COL28A1: variants seen among roughly 807,000 people sequenced by gnomAD.
The protein encoded by COL28A1 is collagen type XXVIII alpha 1 chain.
A neutral mutation model predicts 150.2 loss-of-function variants in COL28A1; 161 were observed. That is an observed-to-expected ratio of 1.07 (90% CI 0.94 to 1.22). The LOEUF is 1.22. Among genes scored for constraint, COL28A1 ranks in the 50% most tolerant of loss-of-function variants. The pLI is 0.00. For synonymous variants in COL28A1, 552 were observed against 469.7 expected, an observed-to-expected ratio of 1.18 and a Z score of -2.26; for missense variants, 1,617 against 1,388.3, an observed-to-expected ratio of 1.16 and a Z score of -2.62.
intron 15 of COL28A1, among the ~76,000 whole-genome samples, chr7:7,461,460 T>G (rs1317439647): frequency 2.0e-5 from 3 of 152,140 alleles, no homozygotes; most frequent in African/African-American, 7.2e-5. Context: ...CTCTACTGAC[T>G]TTCCTAGCTG....
chr7:7,508,718 G>A (rs564620084), intron 9 of COL28A1, among the ~76,000 whole-genome samples: 1 of 152,180 alleles, frequency 6.6e-6, no homozygotes, highest in African/African-American at 2.4e-5. Context: ...GTCTTGCTCT[G>A]TTGCCCAGGC....
chr7:7,447,787 C>G (rs1443829919), intron 18 of COL28A1, among the ~76,000 whole-genome samples: 1 of 152,010 alleles, frequency 6.6e-6, no homozygotes. Flanking sequence ...AAAAGCTATC[C>G]TAAATTAAAC....
At chr7:7,383,126 T>C (rs1373619064) in intron 27 of COL28A1, among the ~76,000 whole-genome samples, 4 of 152,122 alleles carry the variant, frequency 2.6e-5, no homozygotes, top group Non-Finnish European at 1.5e-5. Context: ...TTCAAACCTC[T>C]TAGGTACTCA....
At chr7:7,440,180 A>G (rs1000061357) in intron 21 of COL28A1, among the ~76,000 whole-genome samples, 2 of 152,182 alleles carry the variant, frequency 1.3e-5, no homozygotes, top group Non-Finnish European at 2.9e-5. Flanking sequence ...ACAATTTACC[A>G]GGACATAGAT....
intron 6 of COL28A1, among the ~76,000 whole-genome samples, chr7:7,518,110 C>G (rs527566624): frequency 7.9e-5 from 12 of 152,150 alleles, no homozygotes; most frequent in African/African-American, 2.9e-4. Context: ...AACAACACAG[C>G]GATTGTTCTC....
intron 23 of COL28A1, among the ~76,000 whole-genome samples, chr7:7,435,671 T>C (rs553033694): frequency 6.6e-6 from 1 of 152,350 alleles, no homozygotes; most frequent in East Asian, 1.9e-4. Flanking sequence ...ACTCCATGTT[T>C]TCTTCTTTTA....
Position 7,443,607 on chromosome 7 carries a change from C to A in COL28A1, c.1628G>T (p.Gly543Val). 1 of 1,614,120 alleles carries A rather than the reference C, an allele frequency of 6.2e-7. No individual in the cohort carries two copies. The highest frequency in any genetic ancestry group is 8.5e-7 in the Non-Finnish European group (1 of 1,180,012). The change falls in exon 20 of 35, where the codon GGA (glycine) becomes GTA (valine). Residue 543 changes from glycine (G) to valine (V), a missense_variant. Coordinates refer to ENST00000399429, the MANE Select transcript of COL28A1 (RefSeq NM_001037763.3). ...PGARGPEGPPGKGQPGPKGDE... is the reference protein window; with the variant it reads ...PGARGPEGPPVKGQPGPKGDE... ...TACCTTGGGGCCAGGCTGTCCTTTT[C>A]CAGGTGGTCCTTCTGGGCCTCTTGC...
chr7:7,515,308 A>G (rs1781359189), intron 8 of COL28A1, among the ~76,000 whole-genome samples: 1 of 151,958 alleles, frequency 6.6e-6, no homozygotes, highest in South Asian at 2.1e-4. Context: ...ACCAACCCAT[A>G]CCTTTTGTTT....
chr7:7,387,578 A>G (rs1456414532), intron 27 of COL28A1, among the ~76,000 whole-genome samples: 1 of 151,636 alleles, frequency 6.6e-6, no homozygotes, highest in African/African-American at 2.4e-5. Context: ...TTGCAGAAAA[A>G]TAATATGACA....
intron 11 of COL28A1, among the ~76,000 whole-genome samples, chr7:7,500,596 C>G (rs1227868552): frequency 6.6e-6 from 1 of 152,138 alleles, no homozygotes; most frequent in Non-Finnish European, 1.5e-5. Context: ...CAGAAATATC[C>G]ACACATGCAT....
At chr7:7,352,916 G>A (rs940924366), downstream of COL28A1, among the ~76,000 whole-genome samples, 1 of 152,140 alleles carries the variant, frequency 6.6e-6, no homozygotes, top group African/African-American at 2.4e-5. Context: ...TGTTGGGAGT[G>A]AGTGGACCAC....
At chr7:7,463,411 T>C (rs1202195417) in intron 15 of COL28A1, among the ~76,000 whole-genome samples, 1 of 152,200 alleles carries the variant, frequency 6.6e-6, no homozygotes, top group East Asian at 1.9e-4. Context: ...TAATGAACTG[T>C]TGAAATCTTT....
At chr7:7,340,122 C>G in the COL28A1 span, among the ~76,000 whole-genome samples, 1 of 151,920 alleles carries the variant, frequency 6.6e-6, no homozygotes, top group African/African-American at 2.4e-5. Flanking sequence ...TCTGGAGTAG[C>G]TGGTATTACA....
rs78611926 is a variant in COL28A1, at chr7:7,454,513, A to G, written c.1372-1005T>C. On this transcript the variant is annotated intron_variant, in intron 16 of 34. Transcript: ENST00000399429. The stretch of plus-strand genomic sequence containing the variant: ...AAATTTTTTTTTCTTTACAAAAAGA[A>G]GAAAAGGGGGTAAGAAAATGAAAGA... Among the ~76,000 whole-genome samples, 812 of 152,282 alleles carry G rather than the reference A, an allele frequency of 5.3e-3. 10 individuals carry two copies. The highest frequency in any genetic ancestry group is 0.019 in the African/African-American group (781 of 41,542).
intron 34 of COL28A1, among the ~76,000 whole-genome samples, chr7:7,359,448 TAAC>T (rs897813005): frequency 3.2e-4 from 49 of 152,294 alleles, no homozygotes; most frequent in African/African-American, 1.2e-3. Context: ...AGGACAGCTG[TAAC>T]AATAAAGCCA....
Position 7,531,807 on chromosome 7 carries a change from C to T in COL28A1, c.222G>A (p.Leu74=). Residue 74 remains leucine (L), a synonymous_variant, in exon 3 of 35, where the codon TTG becomes TTA. Transcript: ENST00000399429. The part of the protein sequence containing the change: ...FDKQKDFVDS[L]SDKIFQLTPG... ...GAGTCAATTGGAAAATCTTGTCACT[C>T]AAGCTATCCACAAAATCTTTCTGTT... 6.2e-7 allele frequency: 1 copy of T among 1,603,042 alleles called. No individual in the cohort carries two copies. Among genetic ancestry groups the T allele is most frequent in the Non-Finnish European group, 8.5e-7 (1 of 1,169,998 alleles).
intron 8 of COL28A1, among the ~76,000 whole-genome samples, chr7:7,514,325 A>T (rs1309389363): frequency 6.6e-6 from 1 of 152,312 alleles, no homozygotes; most frequent in Non-Finnish European, 1.5e-5. Flanking sequence ...TTTGGAATAC[A>T]TTGTCACGCC....
At chr7:7,413,704 G>A (rs1349803724) in intron 27 of COL28A1, among the ~76,000 whole-genome samples, 1 of 152,142 alleles carries the variant, frequency 6.6e-6, no homozygotes, top group African/African-American at 2.4e-5. Context: ...CACCAACCAG[G>A]AACACACACA....
At chr7:7,442,433 T>C (rs1363473046) in intron 20 of COL28A1, among the ~76,000 whole-genome samples, 1 of 152,208 alleles carries the variant, frequency 6.6e-6, no homozygotes, top group Non-Finnish European at 1.5e-5. Flanking sequence ...TTCTCCTGAA[T>C]GTTAGCAGAT....
Sources: allele counts gnomAD v4.1 joint callset (sites outside exome capture counted in the v4.1 genomes callset), GRCh38; gene constraint gnomAD v4.1.1; transcripts MANE v1.5; gene names NCBI Gene and HGNC (gene_info 2026-07-23, HGNC 2026-07-21).